TCFL5: variants seen among roughly 807,000 people sequenced by gnomAD.
TCFL5 encodes the protein transcription factor like 5.
Under a neutral mutation model 44.3 loss-of-function variants are expected in TCFL5, and 9 were observed. That is an observed-to-expected ratio of 0.20 (90% CI 0.12 to 0.35). TCFL5 has a LOEUF of 0.35. TCFL5 is among the 10% of genes least tolerant of loss of function. The probability of loss-of-function intolerance (pLI) is 1.00; values close to 1 mark genes in which losing one functional copy is unlikely to be tolerated. For missense variants in TCFL5, 603 were observed against 613.4 expected (o/e 0.98, Z 0.18); for synonymous variants, 319 against 271.6 (o/e 1.17, Z -1.72).
intron 5 of TCFL5, chr20:62,845,917 G>A (rs1054642093): frequency 3.3e-6 from 5 of 1,513,000 alleles, no homozygotes; most frequent in Non-Finnish European, 4.5e-6. Flanking sequence ...TGCTAAGGAA[G>A]CCTTCAGGAA....
At chr20:62,853,348 T>C (rs2063841845) in intron 5 of TCFL5, among the ~76,000 whole-genome samples, 1 of 129,430 alleles carries the variant, frequency 7.7e-6, no homozygotes, top group Admixed American at 8.0e-5. Flanking sequence ...TCTTTCTTTT[T>C]TGGGGTGGGT....
chr20:62,853,091 C>T (rs1201292675), intron 5 of TCFL5, among the ~76,000 whole-genome samples: 2 of 146,322 alleles, frequency 1.4e-5, no homozygotes, highest in African/African-American at 2.7e-5. Context: ...GCACAGTCAC[C>T]GGTCCACAGA....
At chr20:62,848,469 A>G (rs1343803001) in intron 5 of TCFL5, among the ~76,000 whole-genome samples, 4 of 152,192 alleles carry the variant, frequency 2.6e-5, no homozygotes, top group African/African-American at 9.7e-5. Flanking sequence ...GGCCGGGCAC[A>G]GTGGCTCAAG....
intron 5 of TCFL5, among the ~76,000 whole-genome samples, chr20:62,847,583 TTC>T (rs1367255861): frequency 6.6e-6 from 1 of 152,176 alleles, no homozygotes; most frequent in African/African-American, 2.4e-5. Flanking sequence ...AGAATGGCTT[TTC>T]TTTTTCAAGA....
chr20:62,848,443 A>G (rs577919087), intron 5 of TCFL5, among the ~76,000 whole-genome samples: 58 of 152,346 alleles, frequency 3.8e-4, no homozygotes, highest in Non-Finnish European at 6.8e-4. Context: ...TGTGGATATT[A>G]AAAAGTCAAC....
intron 5 of TCFL5, among the ~76,000 whole-genome samples, chr20:62,850,006 T>C (rs2063787722): frequency 6.6e-6 from 1 of 152,006 alleles, no homozygotes; most frequent in South Asian, 2.1e-4. Flanking sequence ...TAGGCAGGTA[T>C]AGTGGCAATA....
chr20:62,854,229 T>C (rs2063854365), intron 4 of TCFL5, 72 bp from the exon 5 acceptor site: 1 of 1,566,678 alleles, frequency 6.4e-7, no homozygotes. Flanking sequence ...AAGCGTCTCC[T>C]GTAGTACTTG....
intron 5 of TCFL5, chr20:62,852,105 T>C: frequency 1.0e-6 from 1 of 985,464 alleles, no homozygotes; most frequent in Non-Finnish European, 1.2e-6. Flanking sequence ...GCGCCAGGCC[T>C]GGGAGCCCTT....
intron 4 of TCFL5, 36 bp downstream of exon 4, chr20:62,857,359 A>G (rs749254980): frequency 1.4e-5 from 23 of 1,610,012 alleles, no homozygotes; most frequent in Non-Finnish European, 1.8e-5. Flanking sequence ...AGGTAATCAT[A>G]TATGAGTCAG....
intron 5 of TCFL5, chr20:62,844,836 T>A (rs980649029): frequency 1.0e-6 from 1 of 967,754 alleles, no homozygotes; most frequent in Non-Finnish European, 1.2e-6. Flanking sequence ...CCTCAGGTGA[T>A]CCACCCACCT....
intron 5 of TCFL5, among the ~76,000 whole-genome samples, chr20:62,847,803 A>G (rs1052651889): frequency 1.3e-5 from 2 of 152,264 alleles, no homozygotes; most frequent in South Asian, 4.1e-4. Flanking sequence ...TGAGGTCAGG[A>G]GTTCGAGACC....
chr20:62,845,652 C>G (rs762522668), intron 5 of TCFL5: 16 of 1,605,320 alleles, frequency 1.0e-5, no homozygotes, highest in Non-Finnish European at 1.4e-5. Context: ...CCTTCAGCAA[C>G]CCCCGCTGAC....
At chr20:62,848,257 G>A (rs914072149) in intron 5 of TCFL5, among the ~76,000 whole-genome samples, 1 of 152,252 alleles carries the variant, frequency 6.6e-6, no homozygotes, top group Non-Finnish European at 1.5e-5. Context: ...GGAGGCCCCA[G>A]GAGTGGCTGG....
At chr20:62,845,935 C>A in intron 5 of TCFL5, 1 of 1,485,420 alleles carries the variant, frequency 6.7e-7, no homozygotes, top group South Asian at 1.2e-5. Context: ...GAATCCGAAC[C>A]CTGAACAGCT....
At position 62,845,712 on chromosome 20, in the gene TCFL5, G is replaced by A. The variant is rs551930921; in HGVS notation, c.1381-3615C>T. 1.0e-5 allele frequency: 16 copies of A among 1,606,714 alleles called. No homozygotes were observed. In the East Asian group the frequency reaches 1.3e-4, roughly 13 times the overall value. On this transcript the variant is annotated intron_variant, in intron 5 of 5. Coordinates refer to ENST00000335351, the MANE Select transcript of TCFL5 (RefSeq NM_006602.4). The stretch of plus-strand genomic sequence containing the variant: ...GGAAATCGAGGACTTCCAATATGAC[G>A]AGGACTCGGAGACATATTTCTGTCC...
intron 5 of TCFL5, among the ~76,000 whole-genome samples, chr20:62,850,897 T>G (rs1466473270): frequency 1.3e-5 from 2 of 151,898 alleles, no homozygotes; most frequent in Non-Finnish European, 2.9e-5. Flanking sequence ...AGCCCCCGAG[T>G]CCGGCTGGCT....
chr20:62,841,852 C>G lies in TCFL5; in HGVS notation c.*123G>C. ...GCTCTCAAAGTCCCTACTGGAGTCCCGTCAGCTTGAGTCACGCCCTTTTCG... is the reference window on the plus strand; with the variant it reads ...GCTCTCAAAGTCCCTACTGGAGTCCGGTCAGCTTGAGTCACGCCCTTTTCG... On this transcript the variant is annotated 3_prime_UTR_variant, in exon 6 of 6. Transcript: ENST00000335351. 1 of 1,350,288 alleles carries G rather than the reference C, an allele frequency of 7.4e-7. No individual in the cohort carries two copies. Among genetic ancestry groups the G allele is most frequent in the Non-Finnish European group, 1.0e-6 (1 of 1,001,944 alleles). 83.6% of individuals were successfully genotyped at this position (1,350,288 alleles called of 1,614,324 possible). A position where few individuals can be genotyped will look rare whatever the true frequency, so the allele number is the denominator to read the frequency against.
chr20:62,855,475 G>A (rs185693327), intron 4 of TCFL5, among the ~76,000 whole-genome samples: 1 of 152,214 alleles, frequency 6.6e-6, no homozygotes, highest in Admixed American at 6.5e-5. Flanking sequence ...CCCTTTAAAA[G>A]AAATTGCCAT....
At chr20:62,845,847 G>T in intron 5 of TCFL5, 1 of 1,590,054 alleles carries the variant, frequency 6.3e-7, no homozygotes, top group Non-Finnish European at 8.6e-7. Context: ...TTATGACAAA[G>T]ATCAGTTTGC....
Sources: gnomAD v4.1 joint callset for allele counts (sites outside exome capture counted in the v4.1 genomes callset) on GRCh38, gnomAD v4.1.1 for gene constraint, MANE v1.5 for transcripts, NCBI Gene and HGNC (gene_info 2026-07-23, HGNC 2026-07-21) for gene names.